The following FAM177A1 variants were observed in gnomAD, a reference collection of about 807,000 sequenced individuals.
FAM177A1 encodes the protein family with sequence similarity 177 member A1, also known as protein FAM177A1.
In FAM177A1, 22 loss-of-function variants were observed where a neutral mutation model predicts 26.1. That is an observed-to-expected ratio of 0.84 (90% CI 0.60 to 1.20). The LOEUF (loss-of-function observed/expected upper bound fraction) is 1.20. Ranked by LOEUF, FAM177A1 falls within the 50% of genes most tolerant of loss-of-function variation. The probability of loss-of-function intolerance (pLI) is 0.00; values close to 1 mark genes in which losing one functional copy is unlikely to be tolerated. For missense variants in FAM177A1, 296 were observed against 291.1 expected, an observed-to-expected ratio of 1.02 and a Z score of -0.12; for synonymous variants, 95 against 99.3, an observed-to-expected ratio of 0.96 and a Z score of 0.26.
intron 2 of FAM177A1, among the ~76,000 whole-genome samples, chr14:35,060,988 A>G (rs568034923): frequency 2.2e-4 from 33 of 152,278 alleles, no homozygotes; most frequent in African/African-American, 7.9e-4. Context: ...ATTACAGTGT[A>G]TTGTGATAAT....
chr14:35,059,348 T>A (rs188416976), intron 2 of FAM177A1, among the ~76,000 whole-genome samples: 2 of 152,190 alleles, frequency 1.3e-5, no homozygotes, highest in East Asian at 3.9e-4. Flanking sequence ...TTGTTTTTTT[T>A]AATCCAATCT....
chr14:35,072,187 A>C (rs2045331594), intron 2 of FAM177A1, among the ~76,000 whole-genome samples: 1 of 152,156 alleles, frequency 6.6e-6, no homozygotes, highest in African/African-American at 2.4e-5. Flanking sequence ...AGGCAGGAGA[A>C]TCACTTGAAC....
intron 2 of FAM177A1, among the ~76,000 whole-genome samples, chr14:35,075,884 A>G (rs1243944417): frequency 6.6e-6 from 1 of 152,246 alleles, no homozygotes; most frequent in African/African-American, 2.4e-5. Context: ...AATGCAAATC[A>G]AAATCACATA....
intron 2 of FAM177A1, among the ~76,000 whole-genome samples, chr14:35,058,754 T>G (rs2045101942): frequency 6.6e-6 from 1 of 152,064 alleles, no homozygotes; most frequent in Non-Finnish European, 1.5e-5. Context: ...CACACACCTG[T>G]GGGCTCAGCT....
At chr14:35,066,736 A>G (rs1023301142) in intron 2 of FAM177A1, among the ~76,000 whole-genome samples, 3 of 151,366 alleles carry the variant, frequency 2.0e-5, no homozygotes, top group Admixed American at 6.6e-5. Flanking sequence ...AACTTGATGT[A>G]TATATTTAAA....
At chr14:35,053,912 G>C (rs2045018687) in intron 2 of FAM177A1, among the ~76,000 whole-genome samples, 1 of 152,174 alleles carries the variant, frequency 6.6e-6, no homozygotes, top group African/African-American at 2.4e-5. Flanking sequence ...AGAATTGCTT[G>C]AATCTGGGAG....
At position 35,053,270 on chromosome 14, in the gene FAM177A1, TGATATA is replaced by T; in HGVS notation, c.166-4_167del. On this transcript the variant is annotated splice_acceptor_variant and splice_polypyrimidine_tract_variant and intron_variant, in intron 1 of 4. Transcript: ENST00000280987. LOFTEE classifies it high-confidence loss of function. Reference sequence around the variant, plus strand: ...GAAACTCATTTTCTTAAAATATCGTTGATATAGATGAGTAACGAAAGAGGCTTTGAA... The same window carrying T: ...GAAACTCATTTTCTTAAAATATCGTTGATGAGTAACGAAAGAGGCTTTGAA... The T allele has an allele frequency of 6.3e-7, 1 of 1,590,222 alleles. No homozygotes were observed. The highest frequency in any genetic ancestry group is 8.5e-7 in the Non-Finnish European group (1 of 1,172,936).
In FAM177A1 at chr14:35,082,880, T is replaced by C. The variant is rs2045507699; in HGVS notation, c.*1652T>C. On this transcript the variant is annotated 3_prime_UTR_variant, in exon 5 of 5. Transcript: ENST00000280987. The stretch of plus-strand genomic sequence containing the variant: ...GGTTGAAGGATAATTAAACTTTTCA[T>C]TAGGAGTGTTCAGCTACATGGATTC... The C allele has an allele frequency of 6.6e-6, 1 of 152,202 alleles. No individual in the cohort carries two copies. Among genetic ancestry groups the C allele is most frequent in the Non-Finnish European group, 1.5e-5 (1 of 68,016 alleles). 9.4% of individuals were successfully genotyped at this position (152,202 alleles called of 1,614,324 possible).
chr14:35,056,761 G>A (rs751424501), intron 2 of FAM177A1, among the ~76,000 whole-genome samples: 21 of 152,042 alleles, frequency 1.4e-4, no homozygotes, highest in Non-Finnish European at 2.8e-4. Flanking sequence ...ACTTGCTATA[G>A]GTCTATTAAG....
intron 2 of FAM177A1, among the ~76,000 whole-genome samples, chr14:35,059,338 T>C (rs1218267911): frequency 1.3e-5 from 2 of 152,132 alleles, no homozygotes; most frequent in Non-Finnish European, 2.9e-5. Flanking sequence ...TAGTTGGATC[T>C]TGTTTTTTTT....
At position 35,070,114 on chromosome 14, in the gene FAM177A1, C is replaced by CAAAAAAA. The variant is rs746133319; in HGVS notation, c.340-7006_340-7000dup. ...TGGGCGACAGAGTGAGACTCTGTCT[C>CAAAAAAA]AAAAAAAAAAAAAAAAAAAAAAAAA... is the stretch of plus-strand genomic sequence containing the variant. On this transcript the variant is annotated intron_variant, in intron 2 of 4. Coordinates refer to ENST00000280987, the MANE Select transcript of FAM177A1 (RefSeq NM_173607.5). Among the ~76,000 whole-genome samples the CAAAAAAA allele has an allele frequency of 3.3e-4, 18 of 53,854 alleles. 1 individual carries two copies. Among genetic ancestry groups the CAAAAAAA allele is most frequent in the African/African-American group, 8.3e-4 (10 of 12,092 alleles). 35.3% of individuals were successfully genotyped at this position (53,854 alleles called of 152,430 possible).
At chr14:35,072,657 C>T (rs976344735) in intron 2 of FAM177A1, among the ~76,000 whole-genome samples, 1 of 152,140 alleles carries the variant, frequency 6.6e-6, no homozygotes, top group South Asian at 2.1e-4. Context: ...CTTGAAAAAT[C>T]GGAGCCCTTC....
intron 2 of FAM177A1, among the ~76,000 whole-genome samples, chr14:35,073,727 A>G (rs2045356240): frequency 1.3e-5 from 2 of 152,226 alleles, no homozygotes; most frequent in East Asian, 1.9e-4. Flanking sequence ...CTTGGGGGCT[A>G]GCAGCTTTAT....
At position 35,081,011 on chromosome 14, in the gene FAM177A1, CT is replaced by C. The variant is rs760599143; in HGVS notation, c.505-3del. On this transcript the variant is annotated splice_polypyrimidine_tract_variant and intron_variant, in intron 4 of 4. Coordinates refer to ENST00000280987, the MANE Select transcript of FAM177A1 (RefSeq NM_173607.5). ...ATTTCAACTATTCTTGATATTGCTCCTTTTTTTTAGGAAGAAGAAGAAGAAG... is the reference window on the plus strand; with the variant it reads ...ATTTCAACTATTCTTGATATTGCTCCTTTTTTTAGGAAGAAGAAGAAGAAG... 17 of 1,583,210 alleles carry C rather than the reference CT, an allele frequency of 1.1e-5. No individual in the cohort carries two copies. The highest frequency in any genetic ancestry group is 7.3e-5 in the Admixed American group (4 of 54,950).
At chr14:35,070,314 G>A (rs941139453) in intron 2 of FAM177A1, among the ~76,000 whole-genome samples, 7 of 147,508 alleles carry the variant, frequency 4.7e-5, no homozygotes, top group South Asian at 2.2e-4. Flanking sequence ...ATGAGCCACC[G>A]TGTCCGGCCT....
chr14:35,081,004 A>C lies in FAM177A1; in HGVS notation c.505-18A>C, dbSNP rs1400714952. The C allele has an allele frequency of 6.3e-7, 1 of 1,585,390 alleles. No individual in the cohort carries two copies. The highest frequency in any genetic ancestry group is 8.6e-7 in the Non-Finnish European group (1 of 1,167,046). On this transcript the variant is annotated intron_variant, in intron 4 of 4. Coordinates refer to ENST00000280987, the MANE Select transcript of FAM177A1 (RefSeq NM_173607.5). ...CTTTCGTATTTCAACTATTCTTGATATTGCTCCTTTTTTTTAGGAAGAAGA... is the reference window on the plus strand; with the variant it reads ...CTTTCGTATTTCAACTATTCTTGATCTTGCTCCTTTTTTTTAGGAAGAAGA...
intron 2 of FAM177A1, among the ~76,000 whole-genome samples, chr14:35,067,562 A>G (rs1292736398): frequency 6.6e-6 from 1 of 152,108 alleles, no homozygotes; most frequent in African/African-American, 2.4e-5. Flanking sequence ...GAATTGCTGG[A>G]TTATATAGTA....
chr14:35,058,712 A>T (rs895082350), intron 2 of FAM177A1, among the ~76,000 whole-genome samples: 4 of 152,056 alleles, frequency 2.6e-5, no homozygotes, highest in Admixed American at 6.6e-5. Flanking sequence ...TTGTCTCTAC[A>T]AAAGATAAAA....
chr14:35,047,705 C>T (rs561614511), intron 1 of FAM177A1, among the ~76,000 whole-genome samples: 46 of 152,060 alleles, frequency 3.0e-4, no homozygotes, highest in East Asian at 9.7e-4. Flanking sequence ...GCCGAGATCA[C>T]GCCACTGCAC....
Sources: gnomAD v4.1 joint callset for allele counts (sites outside exome capture counted in the v4.1 genomes callset) on GRCh38, gnomAD v4.1.1 for gene constraint, MANE v1.5 for transcripts, NCBI Gene and HGNC (gene_info 2026-07-23, HGNC 2026-07-21) for gene names.